The following RNF43 variants were observed in gnomAD, a reference collection of about 807,000 sequenced individuals.
The protein encoded by RNF43 is ring finger protein 43.
RNF43 carries 37 observed loss-of-function variants against 78.4 expected under a neutral mutation model. The ratio of observed to expected loss-of-function variants is 0.47; its 90% CI spans 0.36 to 0.62. The LOEUF (loss-of-function observed/expected upper bound fraction) is 0.62. RNF43 is among the 20% of genes least tolerant of loss of function. The probability of loss-of-function intolerance (pLI) is 0.00; values close to 1 mark genes in which losing one functional copy is unlikely to be tolerated. For synonymous variants in RNF43, 347 were observed against 395.0 expected (o/e 0.88, Z 1.44); for missense variants, 774 against 1,007.9 (o/e 0.77, Z 3.14).
At chr17:58,395,029 A>G (rs1456462249) in intron 2 of RNF43, 1 of 152,232 alleles carries the variant, frequency 6.6e-6, no homozygotes, top group East Asian at 1.9e-4. Context: ...ATCGAGAGGA[A>G]AACAAAGCTC....
rs886802096 is a variant in RNF43 at position 58,358,471 on chromosome 17, T to C, written c.1305A>G (p.Leu435=). 2 of 1,613,966 alleles carry C rather than the reference T, an allele frequency of 1.2e-6. No individual in the cohort carries two copies. Among genetic ancestry groups the C allele is most frequent in the Admixed American group, 3.3e-5 (2 of 60,010 alleles). The change falls in exon 9 of 10, where the codon CTA becomes CTG. Residue 435 remains leucine (L), a synonymous_variant. Coordinates refer to ENST00000407977, the MANE Select transcript of RNF43 (RefSeq NM_017763.6). This position sits in a 1 kb window ranked among gnomAD's most constrained non-coding sequence, Gnocchi z 6.2. ...TGCTGTCAGGGGGCCTGGCCCGGCGTAGGGGCACTGGGCAAGCAGCAGGGT... is the reference window on the plus strand; with the variant it reads ...TGCTGTCAGGGGGCCTGGCCCGGCGCAGGGGCACTGGGCAAGCAGCAGGGT... ...SQHPAACPVP[L]RRARPPDSSG... is the part of the protein sequence containing the mutation.
Position 58,358,899 on chromosome 17 carries a change from T to TA in RNF43, c.953-77dup. On this transcript the variant is annotated intron_variant, in intron 8 of 9. Transcript: ENST00000407977. This position sits in a 1 kb window ranked among gnomAD's most constrained non-coding sequence, Gnocchi z 6.2. ...GAATGCATTCAGAAAGACATGGCTG[T>TA]AGCTAATCTATTTGACCCTGAGTAG... is the stretch of plus-strand genomic sequence containing the variant. The TA allele has an allele frequency of 7.2e-7, 1 of 1,380,768 alleles. No homozygotes were observed. Among genetic ancestry groups the TA allele is most frequent in the Non-Finnish European group, 9.5e-7 (1 of 1,053,358 alleles). The allele number at this position is 1,380,768 out of a possible 1,614,324, so 85.5% of individuals were successfully genotyped here.
At chr17:58,380,987 C>A (rs1973303266) in intron 2 of RNF43, among the ~76,000 whole-genome samples, 2 of 152,156 alleles carry the variant, frequency 1.3e-5, no homozygotes, top group African/African-American at 4.8e-5. Context: ...TTTGCATTGG[C>A]ACAATGCAAG....
rs2143444892 is a variant in RNF43, at chr17:58,360,801, C to T, written c.831G>A (p.Glu277=). Residue 277 remains glutamate, a synonymous_variant, in exon 7 of 10, where the codon GAG becomes GAA. Transcript: ENST00000407977. The surrounding 1 kb of genome is among the most constrained non-coding windows in gnomAD (Gnocchi z 4.3). ...GCCTTACCTGCCCCTCAGAGAACTC[C>T]TCCAGACAGATGGCACACACAGGGG... ...SSAPVCAICL[E]EFSEGQELRV... 4 of 1,612,624 alleles carry T rather than the reference C, an allele frequency of 2.5e-6. No homozygotes were observed. Among genetic ancestry groups the T allele is most frequent in the Non-Finnish European group, 1.7e-6 (2 of 1,179,306 alleles).
chr17:58,362,011 A>C (rs111567716), intron 6 of RNF43, among the ~76,000 whole-genome samples: 4,909 of 152,026 alleles, frequency 0.032, 253 homozygotes, highest in African/African-American at 0.11. Context: ...GCTTGAACCC[A>C]GGAGGCAGAG....
chr17:58,358,714 A>T lies in RNF43; in HGVS notation c.1062T>A (p.Pro354=), dbSNP rs1972763519. The change falls in exon 9 of 10, where the codon CCT becomes CCA. Residue 354 remains proline, a synonymous_variant. Coordinates refer to ENST00000407977, the MANE Select transcript of RNF43 (RefSeq NM_017763.6). The surrounding 1 kb of genome is among the most constrained non-coding windows in gnomAD (Gnocchi z 6.2). ...QHPGHAHYHL[P]AAYLLGPSRS... ...GGGAAGGGCCCAACAGGTAGGCAGC[A>T]GGGAGGTGGTAGTGGGCATGGCCGG... 6.4e-7 allele frequency: 1 copy of T among 1,551,566 alleles called. No homozygotes were observed. The highest frequency in any genetic ancestry group is 8.7e-7 in the Non-Finnish European group (1 of 1,146,914).
At chr17:58,415,145 C>T (rs777537306) in intron 2 of RNF43, among the ~76,000 whole-genome samples, 181 bp downstream of exon 2, 3 of 151,986 alleles carry the variant, frequency 2.0e-5, no homozygotes, top group Non-Finnish European at 4.4e-5. Context: ...TTATGTATTT[C>T]CTCCAGAGTA....
chr17:58,408,790 A>G (rs1567897516), intron 2 of RNF43, among the ~76,000 whole-genome samples: 3 of 152,210 alleles, frequency 2.0e-5, no homozygotes, highest in South Asian at 4.1e-4. Context: ...AGAGTTACTC[A>G]ATACCACAAT....
chr17:58,383,620 G>T (rs539513193), intron 2 of RNF43, among the ~76,000 whole-genome samples: 8 of 152,080 alleles, frequency 5.3e-5, no homozygotes, highest in Non-Finnish European at 7.4e-5. Context: ...AAGTTTTTTT[G>T]TTTTTTGCAT....
intron 2 of RNF43, among the ~76,000 whole-genome samples, chr17:58,375,964 T>G (rs1973196758): frequency 6.6e-6 from 1 of 152,194 alleles, no homozygotes; most frequent in Admixed American, 6.5e-5. Flanking sequence ...GTGAGTGTCC[T>G]GAAGGCAGAA....
At position 58,360,633 on chromosome 17, in the gene RNF43, C is replaced by G. The variant is rs973417407; in HGVS notation, c.849+150G>C. On this transcript the variant is annotated intron_variant, in intron 7 of 9. Coordinates refer to ENST00000407977, the MANE Select transcript of RNF43 (RefSeq NM_017763.6). The surrounding 1 kb of genome is among the most constrained non-coding windows in gnomAD (Gnocchi z 4.3). ...GAAGGTCAGAAAAGTGACCAAACTT[C>G]AGGCTGGTCCCTGATCTCTGCCTCA... 9.6e-5 allele frequency: 80 copies of G among 835,204 alleles called. No homozygotes were observed. Among genetic ancestry groups the G allele is most frequent in the Middle Eastern group, 2.6e-4 (1 of 3,858 alleles). 51.7% of individuals were successfully genotyped at this position (835,204 alleles called of 1,614,324 possible).
intron 2 of RNF43, among the ~76,000 whole-genome samples, chr17:58,384,130 T>G (rs1973382529): frequency 6.6e-6 from 1 of 152,246 alleles, no homozygotes; most frequent in Non-Finnish European, 1.5e-5. Flanking sequence ...TGTTACTTCT[T>G]AATTGTTCAA....
At chr17:58,413,789 A>C (rs1598171777) in intron 2 of RNF43, among the ~76,000 whole-genome samples, 2 of 152,338 alleles carry the variant, frequency 1.3e-5, no homozygotes, top group East Asian at 3.8e-4. Flanking sequence ...AAAAGAATAC[A>C]TTATTTTATG....
At chr17:58,386,053 C>A (rs181112271) in intron 2 of RNF43, among the ~76,000 whole-genome samples, 4 of 152,064 alleles carry the variant, frequency 2.6e-5, no homozygotes, top group African/African-American at 9.7e-5. Context: ...GAGGCTACAG[C>A]GAGCTATGAC....
At chr17:58,376,913 G>A (rs1388740503) in intron 2 of RNF43, among the ~76,000 whole-genome samples, 3 of 152,216 alleles carry the variant, frequency 2.0e-5, no homozygotes, top group Non-Finnish European at 4.4e-5. Context: ...TTTCAAGCAC[G>A]AGTTGGGTCA....
chr17:58,360,324 C>A lies in RNF43; in HGVS notation c.850-73G>T. 9.1e-7 allele frequency: 1 copy of A among 1,104,864 alleles called. No individual in the cohort carries two copies. The highest frequency in any genetic ancestry group is 1.4e-6 in the Non-Finnish European group (1 of 721,410). 68.4% of individuals were successfully genotyped at this position (1,104,864 alleles called of 1,614,324 possible). ...AATTGCCAGGAATCAGGACATCCCC[C>A]AACTCCCTTAGGCCTCTCCTTGCTA... is the stretch of plus-strand genomic sequence containing the variant. On this transcript the variant is annotated intron_variant, in intron 7 of 9. Transcript: ENST00000407977. The surrounding 1 kb of genome is among the most constrained non-coding windows in gnomAD (Gnocchi z 4.3).
chr17:58,371,793 C>A (rs554528323), intron 2 of RNF43, among the ~76,000 whole-genome samples: 7 of 152,330 alleles, frequency 4.6e-5, no homozygotes, highest in African/African-American at 1.7e-4. Flanking sequence ...GTCCAAGACC[C>A]TGTGCCTCTG....
rs1235973021 is a variant in RNF43 at position 58,354,329 on chromosome 17, A to C, written c.*614T>G. The C allele has an allele frequency of 4.9e-6, 1 of 202,562 alleles. No individual in the cohort carries two copies. Among genetic ancestry groups the C allele is most frequent in the African/African-American group, 2.3e-5 (1 of 43,532 alleles). 12.5% of individuals were successfully genotyped at this position (202,562 alleles called of 1,614,324 possible). A position where few individuals can be genotyped will look rare whatever the true frequency, so the allele number is the denominator to read the frequency against. ...CTGCTGTACCCACCTCAGGGACAGAACTCCACACTATAGTGGGAAAGCTTC... is the reference window on the plus strand; with the variant it reads ...CTGCTGTACCCACCTCAGGGACAGACCTCCACACTATAGTGGGAAAGCTTC... On this transcript the variant is annotated 3_prime_UTR_variant, in exon 10 of 10. Coordinates refer to ENST00000407977, the MANE Select transcript of RNF43 (RefSeq NM_017763.6).
intron 2 of RNF43, among the ~76,000 whole-genome samples, chr17:58,386,997 C>T (rs1973453289): frequency 6.6e-6 from 1 of 152,126 alleles, no homozygotes; most frequent in Admixed American, 6.6e-5. Flanking sequence ...TCTTTATAAT[C>T]CCGCATAGCA....
Sources: allele counts gnomAD v4.1 joint callset (sites outside exome capture counted in the v4.1 genomes callset), GRCh38; gene constraint gnomAD v4.1.1; non-coding constraint Gnocchi (gnomAD v3.1); transcripts MANE v1.5; gene names NCBI Gene and HGNC (gene_info 2026-07-23, HGNC 2026-07-21).